Variants in VAPB observed in about 807,000 individuals in gnomAD.
VAPB encodes vesicle-associated membrane protein-associated protein B/C.
Under a neutral mutation model 25.6 loss-of-function variants are expected in VAPB, and 7 were observed. The observed-to-expected ratio is 0.27, with a 90% CI of 0.16 to 0.51. The LOEUF is 0.51. Among genes scored for constraint, VAPB ranks in the 20% least tolerant of loss-of-function variants. VAPB has a pLI of 0.97. For missense variants in VAPB, 266 were observed against 301.3 expected (o/e 0.88, Z 0.87); for synonymous variants, 112 against 109.2 (o/e 1.03, Z -0.16).
chr20:58,413,735 C>T (rs1988442360), intron 1 of VAPB, among the ~76,000 whole-genome samples: 1 of 151,308 alleles, frequency 6.6e-6, no homozygotes, highest in Non-Finnish European at 1.5e-5. Context: ...GGCAGAGGCG[C>T]CCGTCACCTC....
At chr20:58,409,904 T>TATACACACACACAC (rs1555811895) in intron 1 of VAPB, among the ~76,000 whole-genome samples, 1 of 148,134 alleles carries the variant, frequency 6.8e-6, no homozygotes, top group African/African-American at 2.5e-5. Flanking sequence ...TTTATTCATA[T>TATACACACACACAC]ACACACACAC....
chr20:58,390,498 A>T (rs1987768082), intron 1 of VAPB, among the ~76,000 whole-genome samples: 1 of 151,064 alleles, frequency 6.6e-6, no homozygotes, highest in African/African-American at 2.4e-5. Flanking sequence ...GAGGTGATGG[A>T]TGCACAAGAC....
At position 58,448,999 on chromosome 20, in the gene VAPB, A is replaced by G. The variant is rs909072683; in HGVS notation, c.*4764A>G. ...TACAGAAGGGCCCTGCTGAGGTTTG[A>G]AAACAGCTGAGCTGCTGATGTCTCA... On this transcript the variant is annotated 3_prime_UTR_variant, in exon 6 of 6. Transcript: ENST00000475243. 1.1e-5 allele frequency: 5 copies of G among 454,008 alleles called. No homozygotes were observed. Among genetic ancestry groups the G allele is most frequent in the African/African-American group, 1.0e-4 (5 of 50,010 alleles). The allele number at this position is 454,008 out of a possible 1,614,324, so 28.1% of individuals were successfully genotyped here.
chr20:58,412,047 T>A (rs1394506111), intron 1 of VAPB, among the ~76,000 whole-genome samples: 1 of 152,242 alleles, frequency 6.6e-6, no homozygotes, highest in East Asian at 1.9e-4. Context: ...TATTCAGGTA[T>A]GTTTTTAGCA....
At chr20:58,421,712 G>C (rs1023540676) in intron 2 of VAPB, among the ~76,000 whole-genome samples, 2 of 152,056 alleles carry the variant, frequency 1.3e-5, no homozygotes, top group South Asian at 4.1e-4. Context: ...GAAAGAAAGA[G>C]AGGAGGGAAG....
chr20:58,436,203 A>G (rs370147244), intron 3 of VAPB, among the ~76,000 whole-genome samples: 2 of 152,132 alleles, frequency 1.3e-5, no homozygotes, highest in African/African-American at 4.8e-5. Context: ...TTTTTTTTAT[A>G]TAAAATGTAC....
chr20:58,418,391 G>A (rs766909150), intron 2 of VAPB, 28 bp downstream of exon 2: 2 of 1,612,670 alleles, frequency 1.2e-6, no homozygotes, highest in South Asian at 2.2e-5. Context: ...AGGCCTAGAG[G>A]GTGGGCTCAG....
intron 2 of VAPB, among the ~76,000 whole-genome samples, chr20:58,422,365 A>T (rs1231999317): frequency 6.6e-6 from 1 of 152,196 alleles, no homozygotes; most frequent in Non-Finnish European, 1.5e-5. Flanking sequence ...ACCTCAGCAA[A>T]ATAGGTACAC....
Position 58,447,542 on chromosome 20 carries a change from A to G in VAPB, c.*3307A>G, listed in dbSNP as rs566659000. ...AACAAATCCCAGGAACAGAATTGCTATCGAAAGATATCATTGCCCAGTTTG... is the reference window on the plus strand; with the variant it reads ...AACAAATCCCAGGAACAGAATTGCTGTCGAAAGATATCATTGCCCAGTTTG... On this transcript the variant is annotated 3_prime_UTR_variant, in exon 6 of 6. Transcript: ENST00000475243. The G allele has an allele frequency of 8.8e-6, 4 of 454,168 alleles. No homozygotes were observed. Among genetic ancestry groups the G allele is most frequent in the Non-Finnish European group, 1.8e-5 (4 of 226,800 alleles). The allele number at this position is 454,168 out of a possible 1,614,324, so 28.1% of individuals were successfully genotyped here. A position where few individuals can be genotyped will look rare whatever the true frequency, so the allele number is the denominator to read the frequency against.
rs73296833 is a variant in VAPB, at chr20:58,426,078, T to G, written c.211+7715T>G. 3.8e-3 allele frequency among the ~76,000 whole-genome samples: 579 copies of G among 151,948 alleles called. 2 individuals are homozygous for G. The highest frequency in any genetic ancestry group is 0.011 in the African/African-American group (457 of 41,428). On this transcript the variant is annotated intron_variant, in intron 2 of 5. Coordinates refer to ENST00000475243, the MANE Select transcript of VAPB (RefSeq NM_004738.5). ...CAGCTAAATTTTTTGTATTTTTAGT[T>G]AGGGATGGGATTTCACAATGTTGGC... is the stretch of plus-strand genomic sequence containing the variant.
At chr20:58,427,561 G>C (rs909370130) in intron 2 of VAPB, among the ~76,000 whole-genome samples, 3 of 151,928 alleles carry the variant, frequency 2.0e-5, no homozygotes, top group African/African-American at 7.3e-5. Context: ...AGTGATCTGT[G>C]ATCTGTTACC....
intron 1 of VAPB, among the ~76,000 whole-genome samples, chr20:58,416,540 T>TA (rs1988543772): frequency 6.6e-6 from 1 of 151,912 alleles, no homozygotes; most frequent in African/African-American, 2.4e-5. Flanking sequence ...CCAGTGTTGA[T>TA]AGCAGACAAA....
At chr20:58,410,780 T>C (rs1988358393) in intron 1 of VAPB, among the ~76,000 whole-genome samples, 1 of 152,144 alleles carries the variant, frequency 6.6e-6, no homozygotes, top group Admixed American at 6.6e-5. Context: ...TGTCATAGAG[T>C]AAAATCATAC....
At position 58,448,529 on chromosome 20, in the gene VAPB, C is replaced by A. The variant is rs542631596; in HGVS notation, c.*4294C>A. 6.4e-5 allele frequency: 29 copies of A among 454,018 alleles called. 1 individual carries two copies. Among genetic ancestry groups the A allele is most frequent in the African/African-American group, 5.4e-4 (27 of 50,074 alleles). The allele number at this position is 454,018 out of a possible 1,614,324, so 28.1% of individuals were successfully genotyped here. On this transcript the variant is annotated 3_prime_UTR_variant, in exon 6 of 6. Transcript: ENST00000475243. ...AAATAAAGGCTCCAGGAGGTTAAAT[C>A]GGGCAACTTTTTAGAACTAAATCAG...
chr20:58,402,034 C>A (rs770527070), intron 1 of VAPB, among the ~76,000 whole-genome samples: 2 of 152,196 alleles, frequency 1.3e-5, no homozygotes, highest in African/African-American at 2.4e-5. Flanking sequence ...CTCTTTCTTT[C>A]CACCCTGATG....
At chr20:58,419,749 A>C (rs888997799) in intron 2 of VAPB, among the ~76,000 whole-genome samples, 3 of 152,136 alleles carry the variant, frequency 2.0e-5, no homozygotes, top group Non-Finnish European at 4.4e-5. Flanking sequence ...GTTGACATCA[A>C]GGGCAGCTGA....
chr20:58,427,235 A>G (rs111661270), intron 2 of VAPB, among the ~76,000 whole-genome samples: 15,913 of 150,958 alleles, frequency 0.11, 738 homozygotes, highest in Middle Eastern at 0.17. Flanking sequence ...TGTTACAATT[A>G]TGATGCAGGC....
chr20:58,413,572 G>A (rs978703603), intron 1 of VAPB, among the ~76,000 whole-genome samples: 3 of 152,120 alleles, frequency 2.0e-5, no homozygotes, highest in African/African-American at 4.8e-5. Context: ...GCAACCATCC[G>A]ATTTCTCAAT....
chr20:58,427,837 A>G (rs1988836794), intron 2 of VAPB, among the ~76,000 whole-genome samples: 2 of 152,030 alleles, frequency 1.3e-5, no homozygotes, highest in Admixed American at 6.6e-5. Flanking sequence ...TACCATTATG[A>G]TGCTGGTGAA....
Sources: allele counts gnomAD v4.1 joint callset (sites outside exome capture counted in the v4.1 genomes callset), GRCh38; gene constraint gnomAD v4.1.1; transcripts MANE v1.5; gene names NCBI Gene and HGNC (gene_info 2026-07-23, HGNC 2026-07-21).